Variants in PROS1 observed in about 807,000 individuals in gnomAD.
PROS1 encodes protein S.
PROS1 carries 29 observed loss-of-function variants against 75.9 expected under a neutral mutation model. That is an observed-to-expected ratio of 0.38 (90% CI 0.28 to 0.52). PROS1 has a LOEUF of 0.52. PROS1 is among the 20% of genes least tolerant of loss of function. The pLI is 0.83. For synonymous variants in PROS1, 245 were observed against 280.6 expected (o/e 0.87, Z 1.27); for missense variants, 680 against 810.3 (o/e 0.84, Z 1.95).
At chr3:93,885,568 C>T (rs1376898068) in intron 11 of PROS1, among the ~76,000 whole-genome samples, 2 of 152,142 alleles carry the variant, frequency 1.3e-5, no homozygotes, top group Non-Finnish European at 2.9e-5. Flanking sequence ...TTTGTCTTGC[C>T]AATCAGACTC....
intron 6 of PROS1, 54 bp downstream of exon 6, chr3:93,905,730 C>A: frequency 2.5e-6 from 4 of 1,580,632 alleles, no homozygotes; most frequent in Non-Finnish European, 3.5e-6. Context: ...ATTTCTCTAA[C>A]TGGGATTATT....
At chr3:93,966,588 C>T (rs914043999) in intron 1 of PROS1, among the ~76,000 whole-genome samples, 7 of 152,106 alleles carry the variant, frequency 4.6e-5, no homozygotes, top group African/African-American at 1.7e-4. Flanking sequence ...GCAGCGGGCA[C>T]ATTCTATCTA....
intron 1 of PROS1, among the ~76,000 whole-genome samples, chr3:93,951,043 G>C (rs955614085): frequency 6.6e-6 from 1 of 152,074 alleles, no homozygotes; most frequent in Admixed American, 6.6e-5. Context: ...GAAGTTTAGA[G>C]AAAAAAGAGT....
At chr3:93,964,607 A>T (rs529115242) in intron 1 of PROS1, among the ~76,000 whole-genome samples, 113 of 152,310 alleles carry the variant, frequency 7.4e-4, no homozygotes, top group African/African-American at 2.7e-3. Context: ...CCACGGAACA[A>T]AGACCCTTAT....
intron 8 of PROS1, 102 bp downstream of exon 8, chr3:93,898,346 G>T: frequency 7.4e-7 from 1 of 1,348,716 alleles, no homozygotes; most frequent in Non-Finnish European, 1.1e-6. Flanking sequence ...AGCAATTATT[G>T]CAGAACGTCT....
Position 93,886,390 on chromosome 3 carries a change from G to T in PROS1, c.1269C>A (p.Thr423=). The stretch of plus-strand genomic sequence containing the variant: ...GAGGGAATCCTGCAAAGTATACTTT[G>T]GTTTCCAGCAATCCATTTTCCGGCT... ...LFKPENGLLE[T]KVYFAGFPRK... Residue 423 remains threonine (T), a synonymous_variant, in exon 11 of 15, where the codon ACC becomes ACA. Transcript: ENST00000394236. 1 of 1,613,712 alleles carries T rather than the reference G, an allele frequency of 6.2e-7. No homozygotes were observed. Among genetic ancestry groups the T allele is most frequent in the Non-Finnish European group, 8.5e-7 (1 of 1,179,822 alleles).
intron 14 of PROS1, among the ~76,000 whole-genome samples, chr3:93,876,443 G>C (rs1422593115): frequency 2.0e-5 from 3 of 151,916 alleles, no homozygotes; most frequent in Admixed American, 2.0e-4. Context: ...AAAAAGATTA[G>C]CCGGGTGTGG....
At chr3:93,943,608 C>A (rs1431120853) in intron 1 of PROS1, among the ~76,000 whole-genome samples, 1 of 152,116 alleles carries the variant, frequency 6.6e-6, no homozygotes, top group Non-Finnish European at 1.5e-5. Flanking sequence ...CATACCACCC[C>A]CCCAAAATTT....
intron 1 of PROS1, among the ~76,000 whole-genome samples, chr3:93,956,077 A>T (rs1373809857): frequency 6.6e-6 from 1 of 152,182 alleles, no homozygotes; most frequent in Admixed American, 6.5e-5. Context: ...GATAGTAAAT[A>T]AATGGTCTCA....
intron 3 of PROS1, among the ~76,000 whole-genome samples, chr3:93,911,647 G>A (rs568803484): frequency 1.3e-5 from 2 of 152,258 alleles, no homozygotes; most frequent in East Asian, 3.9e-4. Context: ...AAGTTCTTTG[G>A]CATCTCTCTT....
At chr3:93,933,200 A>C (rs900522110) in intron 1 of PROS1, among the ~76,000 whole-genome samples, 3 of 152,222 alleles carry the variant, frequency 2.0e-5, no homozygotes, top group African/African-American at 7.2e-5. Flanking sequence ...CACTTTACAA[A>C]TATAGAGAAC....
chr3:93,901,046 T>C, intron 6 of PROS1, 117 bp from the exon 7 acceptor site: 1 of 1,177,072 alleles, frequency 8.5e-7, no homozygotes, highest in South Asian at 1.4e-5. Flanking sequence ...GATAACAGAT[T>C]GGCCTTTGGA....
chr3:93,890,173 TA>T (rs1396175138), intron 10 of PROS1, among the ~76,000 whole-genome samples: 1 of 152,142 alleles, frequency 6.6e-6, no homozygotes, highest in Non-Finnish European at 1.5e-5. Flanking sequence ...CCCTCAGGCT[TA>T]TTAGGGTGGG....
chr3:93,971,430 T>G (rs1709880177), intron 1 of PROS1, among the ~76,000 whole-genome samples: 1 of 151,172 alleles, frequency 6.6e-6, no homozygotes, highest in African/African-American at 2.4e-5. Flanking sequence ...CACAATGAAT[T>G]ACAAATAAAA....
At chr3:93,933,785 CAG>C (rs1454260563) in intron 1 of PROS1, among the ~76,000 whole-genome samples, 1 of 151,730 alleles carries the variant, frequency 6.6e-6, no homozygotes, top group Non-Finnish European at 1.5e-5. Flanking sequence ...TTAGCCAGGA[CAG>C]ATCACGAGGT....
intron 2 of PROS1, among the ~76,000 whole-genome samples, chr3:93,925,795 C>G (rs1315429979): frequency 6.7e-6 from 1 of 148,634 alleles, no homozygotes; most frequent in South Asian, 2.1e-4. Context: ...TGCACTCTAG[C>G]CTGGGCAACA....
intron 1 of PROS1, among the ~76,000 whole-genome samples, chr3:93,965,092 A>G (rs1359253130): frequency 6.6e-6 from 1 of 152,226 alleles, no homozygotes; most frequent in Non-Finnish European, 1.5e-5. Flanking sequence ...CTGAGAGCAC[A>G]GCGGGAGGGA....
chr3:93,959,328 C>CA (rs976144555), intron 1 of PROS1, among the ~76,000 whole-genome samples: 2 of 151,442 alleles, frequency 1.3e-5, no homozygotes, highest in African/African-American at 4.9e-5. Context: ...TAACAACAAC[C>CA]AAAAAAAGGA....
intron 1 of PROS1, among the ~76,000 whole-genome samples, chr3:93,938,401 C>A (rs1456098214): frequency 6.6e-6 from 1 of 152,166 alleles, no homozygotes. Context: ...ATTGCTCACA[C>A]AAAGCCTGTT....
Sources: allele counts gnomAD v4.1 joint callset (sites outside exome capture counted in the v4.1 genomes callset), GRCh38; gene constraint gnomAD v4.1.1; transcripts MANE v1.5; gene names NCBI Gene and HGNC (gene_info 2026-07-23, HGNC 2026-07-21).